TBC1D4: variants seen among roughly 807,000 people sequenced by gnomAD.
TBC1D4 encodes the protein TBC1 domain family member 4.
TBC1D4 carries 121 observed loss-of-function variants against 142.5 expected under a neutral mutation model. That is an observed-to-expected ratio of 0.85 (90% CI 0.73 to 0.99). TBC1D4 has a LOEUF of 0.99. TBC1D4 is among the 50% of genes least tolerant of loss of function. TBC1D4 has a pLI of 0.00. For missense variants in TBC1D4, 1,475 were observed against 1,606.6 expected, an observed-to-expected ratio of 0.92 and a Z score of 1.40; for synonymous variants, 630 against 628.2, an observed-to-expected ratio of 1.00 and a Z score of -0.04.
At chr13:75,308,132 A>G (rs532474264) in intron 14 of TBC1D4, among the ~76,000 whole-genome samples, 4 of 152,344 alleles carry the variant, frequency 2.6e-5, no homozygotes, top group African/African-American at 9.6e-5. Context: ...AAGAACTATC[A>G]AGAAATAATT....
chr13:75,386,386 C>T (rs1414266458), intron 1 of TBC1D4, among the ~76,000 whole-genome samples: 2 of 143,754 alleles, frequency 1.4e-5, no homozygotes, highest in African/African-American at 5.3e-5. Flanking sequence ...TTTTCTTTTT[C>T]TTTTTCTTTT....
At chr13:75,463,996 C>T (rs1334601243) in intron 1 of TBC1D4, among the ~76,000 whole-genome samples, 1 of 152,182 alleles carries the variant, frequency 6.6e-6, no homozygotes, top group Non-Finnish European at 1.5e-5. Flanking sequence ...AAAAGTACCA[C>T]CGGTAGTAGT....
chr13:75,453,692 T>C (rs1482875752), intron 1 of TBC1D4, among the ~76,000 whole-genome samples: 1 of 152,064 alleles, frequency 6.6e-6, no homozygotes, highest in African/African-American at 2.4e-5. Context: ...CAAAACCCCG[T>C]CTCTACTAAA....
chr13:75,370,299 T>C (rs911775481), intron 1 of TBC1D4, among the ~76,000 whole-genome samples: 1 of 152,206 alleles, frequency 6.6e-6, no homozygotes, highest in African/African-American at 2.4e-5. Context: ...GAAAGGATTT[T>C]GGCTTCTACT....
chr13:75,452,886 T>C (rs953431680), intron 1 of TBC1D4, among the ~76,000 whole-genome samples: 3 of 152,158 alleles, frequency 2.0e-5, no homozygotes, highest in African/African-American at 7.2e-5. Flanking sequence ...GTGGCTGTTG[T>C]TGTGATGAGG....
Position 75,312,719 on chromosome 13 carries a change from T to C in TBC1D4, c.2383+19A>G. ...CTGACACTCAGAGGGATAAATTCCTTAGGGAGTGCAACACAGACCTTGCTG... is the reference window on the plus strand; with the variant it reads ...CTGACACTCAGAGGGATAAATTCCTCAGGGAGTGCAACACAGACCTTGCTG... On this transcript the variant is annotated intron_variant, in intron 13 of 20. Transcript: ENST00000377636. The C allele has an allele frequency of 1.2e-6, 2 of 1,614,116 alleles. No homozygotes were observed. The highest frequency in any genetic ancestry group is 2.7e-5 in the African/African-American group (2 of 75,034).
Position 75,349,234 on chromosome 13 carries a change from C to T in TBC1D4, c.1344G>A (p.Thr448=), listed in dbSNP as rs756002431. The T allele has an allele frequency of 5.6e-6, 9 of 1,613,842 alleles. No individual in the cohort carries two copies. The highest frequency in any genetic ancestry group is 4.5e-5 in the East Asian group (2 of 44,890). The change falls in exon 5 of 21, where the codon ACG becomes ACA. Residue 448 remains threonine (T), a synonymous_variant. Coordinates refer to ENST00000377636, the MANE Select transcript of TBC1D4 (RefSeq NM_014832.5). ...STAAALQSAK[T]QIKLCEACPM... ...GGCAGGCCTCACACAGTTTAATCTG[C>T]GTCTTGGCACTCTGCAGGGCAGCCG...
At chr13:75,321,907 G>C (rs886299967) in intron 11 of TBC1D4, among the ~76,000 whole-genome samples, 1 of 152,138 alleles carries the variant, frequency 6.6e-6, no homozygotes, top group Non-Finnish European at 1.5e-5. Context: ...TCTCACAAAC[G>C]AATGTCAGTG....
rs1345766063 is a variant in TBC1D4, at chr13:75,404,063, T to TACACACACACACACACACACACAC, written c.499-41480_499-41457dup. Among the ~76,000 whole-genome samples, 413 of 149,078 alleles carry TACACACACACACACACACACACAC rather than the reference T, an allele frequency of 2.8e-3. 2 individuals are homozygous for TACACACACACACACACACACACAC. Among genetic ancestry groups the TACACACACACACACACACACACAC allele is most frequent in the African/African-American group, 9.9e-3 (389 of 39,444 alleles). ...CTTTTGTAGGGGGGATATATATACA[T>TACACACACACACACACACACACAC]ACACACACACACACACACACACACA... On this transcript the variant is annotated intron_variant, in intron 1 of 20. Coordinates refer to ENST00000377636, the MANE Select transcript of TBC1D4 (RefSeq NM_014832.5).
chr13:75,403,916 T>C (rs1295300838), intron 1 of TBC1D4, among the ~76,000 whole-genome samples: 2 of 152,100 alleles, frequency 1.3e-5, no homozygotes, highest in East Asian at 1.9e-4. Context: ...GAAATACAGA[T>C]TAAATCAAGA....
intron 7 of TBC1D4, among the ~76,000 whole-genome samples, chr13:75,339,151 A>G (rs1207188840): frequency 6.6e-6 from 1 of 152,170 alleles, no homozygotes; most frequent in Admixed American, 6.5e-5. Context: ...CTCCTCCTAA[A>G]CAGTTAGATG....
chr13:75,466,619 T>A (rs150008717), intron 1 of TBC1D4, among the ~76,000 whole-genome samples: 35 of 152,244 alleles, frequency 2.3e-4, no homozygotes, highest in African/African-American at 7.9e-4. Context: ...ACACCTGTAA[T>A]CCCAGCACTT....
chr13:75,438,281 A>T lies in TBC1D4; in HGVS notation c.498+42989T>A, dbSNP rs113351440. Among the ~76,000 whole-genome samples, 536 of 152,342 alleles carry T rather than the reference A, an allele frequency of 3.5e-3. 2 individuals carry two copies. Among genetic ancestry groups the T allele is most frequent in the African/African-American group, 0.012 (502 of 41,586 alleles). On this transcript the variant is annotated intron_variant, in intron 1 of 20. Coordinates refer to ENST00000377636, the MANE Select transcript of TBC1D4 (RefSeq NM_014832.5). Reference sequence around the variant, plus strand: ...GCAAATAAGCATCTCTATGCTAAAAACAATTCCAAAGGTTTCACTTGAGCA... The same window carrying T: ...GCAAATAAGCATCTCTATGCTAAAATCAATTCCAAAGGTTTCACTTGAGCA...
chr13:75,296,699 G>A (rs1414443998), intron 17 of TBC1D4, among the ~76,000 whole-genome samples: 1 of 152,110 alleles, frequency 6.6e-6, no homozygotes, highest in African/African-American at 2.4e-5. Flanking sequence ...AGAGAGATAA[G>A]GGTAGGGGAG....
At chr13:75,399,542 C>T (rs1192347637) in intron 1 of TBC1D4, among the ~76,000 whole-genome samples, 5 of 152,210 alleles carry the variant, frequency 3.3e-5, no homozygotes, top group African/African-American at 9.6e-5. Flanking sequence ...ACCTTATCTA[C>T]ACCCCCACGT....
At position 75,418,847 on chromosome 13, in the gene TBC1D4, C is replaced by T. The variant is rs534561765; in HGVS notation, c.499-56240G>A. The stretch of plus-strand genomic sequence containing the variant: ...ACTCCCTACTCTCTGCTGCAACCTC[C>T]GCAAAATAAACACACATATACCCTG... On this transcript the variant is annotated intron_variant, in intron 1 of 20. Coordinates refer to ENST00000377636, the MANE Select transcript of TBC1D4 (RefSeq NM_014832.5). 9.3e-4 allele frequency among the ~76,000 whole-genome samples: 141 copies of T among 152,248 alleles called. 1 individual carries two copies. The highest frequency in any genetic ancestry group is 2.9e-3 in the African/African-American group (121 of 41,554).
At chr13:75,303,319 A>T (rs532285626) in intron 15 of TBC1D4, among the ~76,000 whole-genome samples, 1 of 152,320 alleles carries the variant, frequency 6.6e-6, no homozygotes, top group Admixed American at 6.5e-5. Context: ...TCTGTCTAAA[A>T]AAAAAAGAAA....
intron 1 of TBC1D4, among the ~76,000 whole-genome samples, chr13:75,439,397 T>C (rs1886940918): frequency 6.6e-6 from 1 of 152,200 alleles, no homozygotes; most frequent in Non-Finnish European, 1.5e-5. Flanking sequence ...CTTGCTCTTT[T>C]AAACTTGTGT....
At chr13:75,365,027 T>A (rs1372031304) in intron 1 of TBC1D4, among the ~76,000 whole-genome samples, 1 of 152,012 alleles carries the variant, frequency 6.6e-6, no homozygotes, top group Non-Finnish European at 1.5e-5. Context: ...ATATCAAGAG[T>A]TTTTACATGA....
Sources: allele counts gnomAD v4.1 joint callset (sites outside exome capture counted in the v4.1 genomes callset), GRCh38; gene constraint gnomAD v4.1.1; transcripts MANE v1.5; gene names NCBI Gene and HGNC (gene_info 2026-07-23, HGNC 2026-07-21).